The following NAV3 variants were observed in gnomAD, a reference collection of about 807,000 sequenced individuals.
The protein encoded by NAV3 is neuron navigator 3.
NAV3 carries 87 observed loss-of-function variants against 244.7 expected under a neutral mutation model. The observed-to-expected ratio is 0.36, with a 90% CI of 0.30 to 0.42. The LOEUF (loss-of-function observed/expected upper bound fraction) is 0.42. NAV3 is among the 20% of genes least tolerant of loss of function. The pLI is 1.00. For missense variants in NAV3, 2,663 were observed against 2,893.3 expected, an observed-to-expected ratio of 0.92 and a Z score of 1.83; for synonymous variants, 1,126 against 1,042.2, an observed-to-expected ratio of 1.08 and a Z score of -1.55.
chr12:77,573,449 C>T lies in NAV3; in HGVS notation c.72+1183C>T, dbSNP rs539679763. On this transcript the variant is annotated intron_variant, in intron 2 of 8. Coordinates refer to the NAV3 transcript ENST00000550042. Reference sequence around the variant, plus strand: ...AGTAAATCTCAGAAAATACTAAATACTATAAAATTCAAGGTGCCTGAAATC... The same window carrying T: ...AGTAAATCTCAGAAAATACTAAATATTATAAAATTCAAGGTGCCTGAAATC... Among the ~76,000 whole-genome samples the T allele has an allele frequency of 4.6e-5, 7 of 152,236 alleles. 1 individual carries two copies. In the South Asian group the frequency reaches 1.4e-3, roughly 32 times the overall value.
intron 2 of NAV3, among the ~76,000 whole-genome samples, chr12:77,586,842 C>T (rs533629684): frequency 6.6e-6 from 1 of 152,214 alleles, no homozygotes; most frequent in East Asian, 1.9e-4. Flanking sequence ...ACATTTTCAT[C>T]CGTGCGGAAA....
chr12:77,927,559 A>G, intron 1 of NAV3, among the ~76,000 whole-genome samples: 1 of 152,192 alleles, frequency 6.6e-6, no homozygotes. Flanking sequence ...TGAATGAGTT[A>G]AACTATTTAA....
chr12:77,954,010 G>A (rs1891137178), intron 3 of NAV3, among the ~76,000 whole-genome samples: 1 of 152,088 alleles, frequency 6.6e-6, no homozygotes, highest in Non-Finnish European at 1.5e-5. Flanking sequence ...TCTTCCAGAG[G>A]CTGTAGGGAT....
chr12:77,966,551 A>G (rs910408705), intron 4 of NAV3, among the ~76,000 whole-genome samples: 6 of 152,084 alleles, frequency 3.9e-5, no homozygotes, highest in Non-Finnish European at 7.4e-5. Context: ...GTGAATCAAA[A>G]AAATATCTTT....
At chr12:77,633,678 T>C (rs1872020904) in intron 2 of NAV3, among the ~76,000 whole-genome samples, 1 of 152,132 alleles carries the variant, frequency 6.6e-6, no homozygotes, top group African/African-American at 2.4e-5. Context: ...TAGTAAATAA[T>C]TGTTAGCAAT....
chr12:77,873,764 AT>A (rs1881419909), intron 1 of NAV3, among the ~76,000 whole-genome samples: 2 of 123,890 alleles, frequency 1.6e-5, no homozygotes, highest in African/African-American at 3.0e-5. Flanking sequence ...ATATATATAT[AT>A]ATGTATATAA....
intron 2 of NAV3, among the ~76,000 whole-genome samples, chr12:77,722,427 A>G (rs1443785661): frequency 1.3e-5 from 2 of 152,108 alleles, no homozygotes; most frequent in African/African-American, 2.4e-5. Context: ...TGTGTGTGGT[A>G]GTTTTCAGCT....
At chr12:77,863,274 T>A (rs11609693) in intron 1 of NAV3, among the ~76,000 whole-genome samples, 1 of 151,648 alleles carries the variant, frequency 6.6e-6, no homozygotes, top group East Asian at 1.9e-4. Context: ...TTTTAACTTA[T>A]CTCAAGATTG....
At chr12:78,129,128 T>G (rs2138862680) in intron 18 of NAV3, among the ~76,000 whole-genome samples, 1 of 152,216 alleles carries the variant, frequency 6.6e-6, no homozygotes, top group South Asian at 2.1e-4. Flanking sequence ...GCTCAGAAAG[T>G]TCACTTGACT....
At chr12:77,652,902 G>A (rs1435085851) in intron 2 of NAV3, among the ~76,000 whole-genome samples, 1 of 152,092 alleles carries the variant, frequency 6.6e-6, no homozygotes, top group East Asian at 1.9e-4. Context: ...AGATATGTCT[G>A]TTTTTCTGTT....
chr12:77,945,966 C>T (rs964813484), intron 3 of NAV3, among the ~76,000 whole-genome samples: 2 of 151,018 alleles, frequency 1.3e-5, no homozygotes, highest in African/African-American at 4.9e-5. Context: ...GCCATGTTGG[C>T]CAGGCTGGTT....
intron 2 of NAV3, among the ~76,000 whole-genome samples, chr12:77,598,996 C>T (rs1870300082): frequency 1.3e-5 from 2 of 152,042 alleles, no homozygotes; most frequent in African/African-American, 4.8e-5. Context: ...ATTAGCAGCT[C>T]TCCATGCCAT....
At chr12:77,587,181 A>C (rs1267736935) in intron 2 of NAV3, among the ~76,000 whole-genome samples, 2 of 152,118 alleles carry the variant, frequency 1.3e-5, no homozygotes, top group Admixed American at 1.3e-4. Flanking sequence ...TTTGATAATA[A>C]ATTTTCACTG....
At chr12:78,049,887 C>T (rs1365170580) in intron 9 of NAV3, 106 bp from the exon 10 acceptor site, 1 of 660,490 alleles carries the variant, frequency 1.5e-6, no homozygotes, top group Non-Finnish European at 2.6e-6. Context: ...AAATGTATTA[C>T]ATATCCTTTT....
intron 2 of NAV3, among the ~76,000 whole-genome samples, chr12:77,630,710 C>T (rs118144016): frequency 0.015 from 2,216 of 152,236 alleles, 31 homozygotes; most frequent in Non-Finnish European, 0.021. Context: ...CTTTAGGCTC[C>T]AGTATGTCTT....
chr12:77,730,876 T>G (rs1565790156), intron 2 of NAV3, among the ~76,000 whole-genome samples: 1 of 151,656 alleles, frequency 6.6e-6, no homozygotes, highest in Non-Finnish European at 1.5e-5. Flanking sequence ...AGGGCACATT[T>G]GAAGCTGAAT....
intron 2 of NAV3, among the ~76,000 whole-genome samples, chr12:77,714,222 G>A (rs941544212): frequency 2.4e-4 from 37 of 152,136 alleles, no homozygotes; most frequent in African/African-American, 8.9e-4. Context: ...TAGAAATTTG[G>A]GAAGTGAAGC....
chr12:77,590,061 G>T (rs984210049), intron 2 of NAV3, among the ~76,000 whole-genome samples: 1 of 152,102 alleles, frequency 6.6e-6, no homozygotes. Flanking sequence ...ACTCCTGCAT[G>T]GTACAACTAA....
At chr12:77,733,627 G>A (rs998788074) in intron 2 of NAV3, among the ~76,000 whole-genome samples, 2 of 151,808 alleles carry the variant, frequency 1.3e-5, no homozygotes, top group African/African-American at 4.8e-5. Context: ...TTATGATTTC[G>A]GGGAAAAAGT....
Sources: allele counts gnomAD v4.1 joint callset (sites outside exome capture counted in the v4.1 genomes callset), GRCh38; gene constraint gnomAD v4.1.1; transcripts MANE v1.5; gene names NCBI Gene and HGNC (gene_info 2026-07-23, HGNC 2026-07-21).